Variants in TMEM135 observed in about 807,000 individuals in gnomAD.
TMEM135 encodes the protein peroxisomal membrane protein 52.
A neutral mutation model predicts 60.3 loss-of-function variants in TMEM135; 30 were observed. The observed-to-expected ratio is 0.50, with a 90% CI of 0.37 to 0.68. TMEM135 has a LOEUF of 0.68. TMEM135 is among the 30% of genes least tolerant of loss of function. The pLI, the probability that TMEM135 is intolerant of heterozygous loss-of-function variation, is 0.00. For synonymous variants in TMEM135, 190 were observed against 186.7 expected (o/e 1.02, Z -0.14); for missense variants, 468 against 548.8 (o/e 0.85, Z 1.47).
intron 6 of TMEM135, among the ~76,000 whole-genome samples, chr11:87,255,658 A>G (rs975070924): frequency 1.1e-4 from 2 of 18,540 alleles, no homozygotes; most frequent in African/African-American, 4.3e-4. Context: ...TCTTGAAAGA[A>G]AAAAAAAAAA....
At chr11:87,223,645 T>C (rs1940696448) in intron 5 of TMEM135, among the ~76,000 whole-genome samples, 1 of 149,690 alleles carries the variant, frequency 6.7e-6, no homozygotes, top group African/African-American at 2.5e-5. Context: ...ACACTGTCTC[T>C]ACTAAAAATA....
chr11:87,142,184 T>C (rs1041124470), intron 4 of TMEM135, among the ~76,000 whole-genome samples: 1 of 152,164 alleles, frequency 6.6e-6, no homozygotes, highest in Non-Finnish European at 1.5e-5. Flanking sequence ...TGCCAGAGCA[T>C]GGATGAGCTC....
Position 87,269,614 on chromosome 11 carries a change from C to A in TMEM135, c.510-26168C>A, listed in dbSNP as rs112349294. On this transcript the variant is annotated intron_variant, in intron 6 of 14. Coordinates refer to ENST00000305494, the MANE Select transcript of TMEM135 (RefSeq NM_022918.4). ...TGTGGTGTTTGGTTTTTTGTCCTTG[C>A]GATAGTTTATGAGAAGGATGATTTC... is the stretch of plus-strand genomic sequence containing the variant. 9.3e-3 allele frequency among the ~76,000 whole-genome samples: 1,412 copies of A among 151,076 alleles called. 14 individuals carry two copies. The highest frequency in any genetic ancestry group is 0.034 in the Middle Eastern group (10 of 290).
intron 4 of TMEM135, among the ~76,000 whole-genome samples, chr11:87,120,120 T>C (rs1255979838): frequency 6.8e-6 from 1 of 147,612 alleles, no homozygotes; most frequent in Non-Finnish European, 1.5e-5. Context: ...CTTCTTCTTT[T>C]TTTTTTTTTT....
At chr11:87,169,353 G>A (rs1443799129) in intron 5 of TMEM135, among the ~76,000 whole-genome samples, 1 of 150,658 alleles carries the variant, frequency 6.6e-6, no homozygotes, top group African/African-American at 2.5e-5. Context: ...TATGATGCTA[G>A]CTGGTTATTT....
intron 6 of TMEM135, among the ~76,000 whole-genome samples, chr11:87,244,989 G>C (rs145478208): frequency 6.6e-6 from 1 of 151,348 alleles, no homozygotes; most frequent in African/African-American, 2.4e-5. Flanking sequence ...TGGGCATTTA[G>C]TGCTATAAAT....
At chr11:87,227,427 A>T (rs571443361) in intron 5 of TMEM135, among the ~76,000 whole-genome samples, 1 of 152,080 alleles carries the variant, frequency 6.6e-6, no homozygotes, top group African/African-American at 2.4e-5. Context: ...CTTCTTTCTT[A>T]CTTCTAGTCT....
At chr11:87,277,956 T>A (rs1011795482) in intron 6 of TMEM135, among the ~76,000 whole-genome samples, 1 of 152,258 alleles carries the variant, frequency 6.6e-6, no homozygotes, top group African/African-American at 2.4e-5. Flanking sequence ...TAAAACATTT[T>A]ATCTATTTTT....
At chr11:87,047,109 G>A (rs967137699) in intron 1 of TMEM135, among the ~76,000 whole-genome samples, 3 of 152,156 alleles carry the variant, frequency 2.0e-5, no homozygotes, top group Non-Finnish European at 4.4e-5. Flanking sequence ...GCCTTATGTG[G>A]TCTATCTGTT....
At chr11:87,099,605 C>T (rs1321526512) in intron 4 of TMEM135, among the ~76,000 whole-genome samples, 1 of 148,974 alleles carries the variant, frequency 6.7e-6, no homozygotes, top group Non-Finnish European at 1.5e-5. Context: ...TACAGATTTT[C>T]ATGTTTTTAT....
chr11:87,209,000 C>T (rs543446353), intron 5 of TMEM135, among the ~76,000 whole-genome samples: 2 of 152,294 alleles, frequency 1.3e-5, no homozygotes, highest in East Asian at 3.9e-4. Flanking sequence ...AAATCCTTTT[C>T]AGACAAGCAA....
intron 5 of TMEM135, among the ~76,000 whole-genome samples, chr11:87,218,815 A>T (rs1229867402): frequency 6.6e-6 from 1 of 152,136 alleles, no homozygotes; most frequent in Non-Finnish European, 1.5e-5. Flanking sequence ...TACAAAAATT[A>T]GCCAGGCATG....
chr11:87,319,170 A>G lies in TMEM135; in HGVS notation c.1177-140A>G, dbSNP rs547504885. ...AGGTGTGAGCCACCGTGCCCAGCCA[A>G]AAGCAACATTTTTATTTGAAGGCAT... On this transcript the variant is annotated intron_variant, in intron 13 of 14. Coordinates refer to ENST00000305494, the MANE Select transcript of TMEM135 (RefSeq NM_022918.4). The G allele has an allele frequency of 1.7e-5, 13 of 761,260 alleles. No homozygotes were observed. The Admixed American group carries it at 2.4e-4, about 14-fold the overall frequency. The allele number at this position is 761,260 out of a possible 1,614,324, so 47.2% of individuals were successfully genotyped here.
chr11:87,211,367 T>G (rs1940365848), intron 5 of TMEM135, among the ~76,000 whole-genome samples: 1 of 152,250 alleles, frequency 6.6e-6, no homozygotes. Context: ...CATTGTGAAC[T>G]TGTATATCCT....
At chr11:87,267,560 T>C (rs1010761901) in intron 6 of TMEM135, among the ~76,000 whole-genome samples, 1 of 152,242 alleles carries the variant, frequency 6.6e-6, no homozygotes, top group Non-Finnish European at 1.5e-5. Flanking sequence ...CAAATAGTTA[T>C]GTAAGTTTAT....
rs911927582 is a variant in TMEM135 at position 87,326,430 on chromosome 11, G to C, written c.*5097G>C. 9.0e-5 allele frequency: 41 copies of C among 453,832 alleles called. No individual in the cohort carries two copies. In the Admixed American group the frequency reaches 9.6e-4, roughly 11 times the overall value. The allele number at this position is 453,832 out of a possible 1,614,324, so 28.1% of individuals were successfully genotyped here. A position where few individuals can be genotyped will look rare whatever the true frequency, so the allele number is the denominator to read the frequency against. On this transcript the variant is annotated 3_prime_UTR_variant, in exon 15 of 15. Coordinates refer to ENST00000305494, the MANE Select transcript of TMEM135 (RefSeq NM_022918.4). ...ATTAAACTTTTTCCAGTAGTTAATC[G>C]ATCTCTTAAATTAATTTTCTTTTCA...
intron 6 of TMEM135, among the ~76,000 whole-genome samples, chr11:87,245,770 A>G (rs1191358847): frequency 1.8e-5 from 2 of 112,908 alleles, no homozygotes; most frequent in Non-Finnish European, 3.9e-5. Context: ...GGGTTTCCTG[A>G]GTACAGCACA....
Position 87,099,966 on chromosome 11 carries a change from C to A in TMEM135, c.396+8571C>A, listed in dbSNP as rs564923663. 3.9e-5 allele frequency among the ~76,000 whole-genome samples: 6 copies of A among 152,144 alleles called. No individual in the cohort carries two copies. In the East Asian group the frequency reaches 7.7e-4, roughly 20 times the overall value. Reference sequence around the variant, plus strand: ...AAAGTGCTGGGATTACAGGTGTGAGCCACCAAGTTTAGTTTTTAAAGAAAC... The same window carrying A: ...AAAGTGCTGGGATTACAGGTGTGAGACACCAAGTTTAGTTTTTAAAGAAAC... On this transcript the variant is annotated intron_variant, in intron 4 of 14. Coordinates refer to ENST00000305494, the MANE Select transcript of TMEM135 (RefSeq NM_022918.4).
At chr11:87,195,257 C>G (rs1939906985) in intron 5 of TMEM135, among the ~76,000 whole-genome samples, 1 of 151,978 alleles carries the variant, frequency 6.6e-6, no homozygotes, top group African/African-American at 2.4e-5. Context: ...ATGATTCTGA[C>G]AAGAATGATG....
Sources: allele counts gnomAD v4.1 joint callset (sites outside exome capture counted in the v4.1 genomes callset), GRCh38; gene constraint gnomAD v4.1.1; transcripts MANE v1.5; gene names NCBI Gene and HGNC (gene_info 2026-07-23, HGNC 2026-07-21).